ENKUR: variants seen among roughly 807,000 people sequenced by gnomAD.
The protein encoded by ENKUR is enkurin.
ENKUR carries 19 observed loss-of-function variants against 27.6 expected under a neutral mutation model. The ratio of observed to expected loss-of-function variants is 0.69; its 90% confidence interval spans 0.48 to 1.01. ENKUR has a LOEUF of 1.01. ENKUR is among the 50% of genes least tolerant of loss of function. The probability of loss-of-function intolerance (pLI) is 0.00; values close to 1 mark genes in which losing one functional copy is unlikely to be tolerated. For synonymous variants in ENKUR, 117 were observed against 96.9 expected (o/e 1.21, Z -1.22); for missense variants, 312 against 310.5 (o/e 1.00, Z -0.04).
intron 2 of ENKUR, chr10:25,025,545 T>G: frequency 1.6e-6 from 2 of 1,262,160 alleles, no homozygotes; most frequent in Middle Eastern, 2.2e-4. Flanking sequence ...ATTTTGTCTT[T>G]TATGTAAATA....
At chr10:25,023,388 C>T in intron 2 of ENKUR, 1 of 1,614,070 alleles carries the variant, frequency 6.2e-7, no homozygotes, top group South Asian at 1.1e-5. Flanking sequence ...TTGTTGGAGA[C>T]AAAAATATTA....
chr10:25,021,913 G>A (rs1359309963), intron 2 of ENKUR: 1 of 152,138 alleles, frequency 6.6e-6, no homozygotes, highest in Non-Finnish European at 1.5e-5. Flanking sequence ...TTACTTGTAA[G>A]TTAAATTCAG....
chr10:25,053,586 C>A (rs940068951), intron 2 of ENKUR, among the ~76,000 whole-genome samples: 1 of 152,142 alleles, frequency 6.6e-6, no homozygotes, highest in African/African-American at 2.4e-5. Context: ...TTAGATGCAG[C>A]AGCTAGCTCA....
intron 2 of ENKUR, among the ~76,000 whole-genome samples, chr10:25,053,077 TAA>T (rs35496731): frequency 7.1e-4 from 99 of 140,208 alleles, no homozygotes; most frequent in Admixed American, 1.1e-3. Context: ...CTTGTCTCTT[TAA>T]AAAAAAAAAA....
At chr10:25,008,794 G>T (rs1286628477) in intron 1 of ENKUR, among the ~76,000 whole-genome samples, 1 of 152,008 alleles carries the variant, frequency 6.6e-6, no homozygotes, top group African/African-American at 2.4e-5. Flanking sequence ...CTGCTATAAA[G>T]ACACATGCAC....
intron 2 of ENKUR, among the ~76,000 whole-genome samples, chr10:25,029,258 T>C (rs1850906278): frequency 1.3e-5 from 2 of 152,214 alleles, no homozygotes; most frequent in South Asian, 4.1e-4. Context: ...AATTGATTAA[T>C]TTTCAGGCTA....
intron 2 of ENKUR, chr10:25,024,231 C>G: frequency 6.2e-7 from 1 of 1,614,180 alleles, no homozygotes; most frequent in Non-Finnish European, 8.5e-7. Context: ...TTTCAGGCAA[C>G]CAGTTCATCC....
chr10:24,995,684 C>T lies in ENKUR; in HGVS notation c.409G>A (p.Glu137Lys). ...DKRTGDKHDLEPSGLVPKYIN... is the reference protein window; with the variant it reads ...DKRTGDKHDLKPSGLVPKYIN... ...TACTTTGGAACTAGTCCTGAAGGCT[C>T]AAGATCATGCTTGTCTCCAGTTCTT... The change falls in exon 3 of 6, where the codon GAG becomes AAG. Residue 137 changes from glutamate (E) to lysine (K), a missense_variant. Coordinates refer to ENST00000331161, the MANE Select transcript of ENKUR (RefSeq NM_145010.4). 6.2e-7 allele frequency: 1 copy of T among 1,613,960 alleles called. No homozygotes were observed. Among genetic ancestry groups the T allele is most frequent in the Non-Finnish European group, 8.5e-7 (1 of 1,179,964 alleles).
At chr10:25,045,726 T>C (rs917201743) in intron 2 of ENKUR, among the ~76,000 whole-genome samples, 11 of 152,182 alleles carry the variant, frequency 7.2e-5, no homozygotes, top group African/African-American at 2.4e-4. Flanking sequence ...TGAAAAGTTA[T>C]AGTGAGATTT....
At chr10:25,061,319 C>T (rs55740430) in exon 2 of ENKUR, 82 of 634,364 alleles carry the variant, frequency 1.3e-4, no homozygotes, top group African/African-American at 1.1e-3. Flanking sequence ...CTCCTCCAGC[C>T]GCCTGCTCTG....
Position 25,059,800 on chromosome 10 carries a change from G to A in ENKUR, c.37+1312C>T, listed in dbSNP as rs191708478. Among the ~76,000 whole-genome samples the A allele has an allele frequency of 3.4e-3, 516 of 152,116 alleles. 3 individuals are homozygous for A. Among genetic ancestry groups the A allele is most frequent in the Middle Eastern group, 0.01 (3 of 294 alleles). ...GATAGTGCCACTGCATTCCAGCCTG[G>A]GTGACAGTGCAAGACCAGTCTCTTA... On this transcript the variant is annotated intron_variant, in intron 2 of 5. Transcript: ENST00000615958.
chr10:25,054,879 T>C (rs1323535362), intron 2 of ENKUR, among the ~76,000 whole-genome samples: 1 of 152,032 alleles, frequency 6.6e-6, no homozygotes, highest in Non-Finnish European at 1.5e-5. Context: ...TCTTGCCATA[T>C]TGCCAAACAG....
At chr10:25,028,238 T>G (rs759302556) in intron 2 of ENKUR, among the ~76,000 whole-genome samples, 2 of 152,192 alleles carry the variant, frequency 1.3e-5, no homozygotes, top group Non-Finnish European at 2.9e-5. Context: ...TTTCATGTCT[T>G]CACTTTTTCT....
At chr10:24,993,404 A>G (rs1319591723) in intron 3 of ENKUR, among the ~76,000 whole-genome samples, 1 of 152,236 alleles carries the variant, frequency 6.6e-6, no homozygotes, top group East Asian at 1.9e-4. Context: ...GATTGTTGGA[A>G]ATCACAGTTA....
chr10:25,042,026 G>A (rs1036934266), intron 2 of ENKUR, among the ~76,000 whole-genome samples: 3 of 151,962 alleles, frequency 2.0e-5, no homozygotes, highest in Non-Finnish European at 2.9e-5. Flanking sequence ...AGTTTAGATA[G>A]GAGTATTATA....
intron 2 of ENKUR, among the ~76,000 whole-genome samples, chr10:25,045,177 G>T (rs1422309129): frequency 1.3e-5 from 2 of 151,932 alleles, no homozygotes; most frequent in Non-Finnish European, 2.9e-5. Flanking sequence ...TTTTTATTTT[G>T]TCTAGAGTTC....
intron 2 of ENKUR, among the ~76,000 whole-genome samples, chr10:25,043,702 A>G (rs1273251188): frequency 6.6e-6 from 1 of 152,040 alleles, no homozygotes; most frequent in African/African-American, 2.4e-5. Context: ...CTTCTGTTCT[A>G]CTGGGACTTC....
rs1181162127 is a variant in ENKUR at position 24,983,296 on chromosome 10, C to G, written c.*1074G>C. 1 of 152,166 alleles carries G rather than the reference C, an allele frequency of 6.6e-6. No individual in the cohort carries two copies. Among genetic ancestry groups the G allele is most frequent in the East Asian group, 1.9e-4 (1 of 5,202 alleles). 9.4% of individuals were successfully genotyped at this position (152,166 alleles called of 1,614,324 possible). ...TGATATGCATCATTTCTAGGCCTGG[C>G]CTGTACGTGCCTCTCCCTAACTCTG... On this transcript the variant is annotated 3_prime_UTR_variant, in exon 6 of 6. Coordinates refer to ENST00000331161, the MANE Select transcript of ENKUR (RefSeq NM_145010.4).
At chr10:25,047,317 A>T (rs1471784047) in intron 2 of ENKUR, among the ~76,000 whole-genome samples, 1 of 152,164 alleles carries the variant, frequency 6.6e-6, no homozygotes, top group Non-Finnish European at 1.5e-5. Context: ...TAGGTCACTC[A>T]GTATTTGATT....
Sources: allele counts gnomAD v4.1 joint callset (sites outside exome capture counted in the v4.1 genomes callset), GRCh38; gene constraint gnomAD v4.1.1; transcripts MANE v1.5; gene names NCBI Gene and HGNC (gene_info 2026-07-23, HGNC 2026-07-21).